Variants in CUX1 observed in about 807,000 individuals in gnomAD.
CUX1 encodes the protein protein CASP.
CUX1 carries 31 observed loss-of-function variants against 158.8 expected under a neutral mutation model. That is an observed-to-expected ratio of 0.20 (90% CI 0.15 to 0.26). The LOEUF is 0.26. CUX1 is among the 10% of genes least tolerant of loss of function. The pLI is 1.00. For synonymous variants in CUX1, 879 were observed against 862.1 expected, an observed-to-expected ratio of 1.02 and a Z score of -0.34; for missense variants, 1,589 against 2,014.6, an observed-to-expected ratio of 0.79 and a Z score of 4.04.
intron 8 of CUX1, among the ~76,000 whole-genome samples, chr7:102,130,272 A>G (rs1833069626): frequency 6.6e-6 from 1 of 152,188 alleles, no homozygotes; most frequent in Non-Finnish European, 1.5e-5. Flanking sequence ...TTCAGATTTA[A>G]TGCTCCAATG....
chr7:101,906,573 C>G (rs1562990263), intron 1 of CUX1, among the ~76,000 whole-genome samples: 1 of 151,906 alleles, frequency 6.6e-6, no homozygotes, highest in African/African-American at 2.4e-5. Flanking sequence ...GCAGGGAACG[C>G]CAAGCTCACG....
chr7:102,100,634 C>A (rs1829670785), intron 5 of CUX1, among the ~76,000 whole-genome samples: 1 of 152,138 alleles, frequency 6.6e-6, no homozygotes, highest in South Asian at 2.1e-4. Flanking sequence ...GTGCACATCA[C>A]TTCTTGTAAT....
chr7:102,227,797 G>A, intron 21 of CUX1, 128 bp downstream of exon 21: 1 of 920,794 alleles, frequency 1.1e-6, no homozygotes, highest in Non-Finnish European at 1.6e-6. Flanking sequence ...TTGAGAACAT[G>A]AAACATCCTA....
intron 2 of CUX1, among the ~76,000 whole-genome samples, chr7:101,963,991 A>G (rs1810830627): frequency 6.6e-6 from 1 of 152,008 alleles, no homozygotes; most frequent in African/African-American, 2.4e-5. Flanking sequence ...ATGTAATTTC[A>G]CTTCAACTTC....
intron 3 of CUX1, among the ~76,000 whole-genome samples, chr7:102,048,437 G>A (rs1453897347): frequency 3.3e-5 from 5 of 152,212 alleles, no homozygotes; most frequent in African/African-American, 1.2e-4. Flanking sequence ...GTTGGAAGGC[G>A]TGGTAGTGTT....
At chr7:101,975,084 C>T (rs1812481656) in intron 2 of CUX1, among the ~76,000 whole-genome samples, 1 of 151,990 alleles carries the variant, frequency 6.6e-6, no homozygotes, top group Non-Finnish European at 1.5e-5. Context: ...CTCATCGTCC[C>T]CACTAAAAAT....
chr7:102,245,714 G>C (rs1225159696), intron 23 of CUX1, among the ~76,000 whole-genome samples: 1 of 152,182 alleles, frequency 6.6e-6, no homozygotes, highest in Non-Finnish European at 1.5e-5. Context: ...GCTCACCCCT[G>C]TAATCCCAGC....
Position 102,253,291 on chromosome 7 carries a change from T to G in CUX1, c.*4249T>G. ...AGCTCTCATACCCCATCTCCCTCCT[T>G]GGCCAGGGCCAGCATCAGGCGTGCA... is the stretch of plus-strand genomic sequence containing the variant. On this transcript the variant is annotated 3_prime_UTR_variant, in exon 24 of 24. Transcript: ENST00000292535. The G allele has an allele frequency of 8.1e-6, 8 of 985,578 alleles. No homozygotes were observed. Among genetic ancestry groups the G allele is most frequent in the Non-Finnish European group, 9.6e-6 (8 of 830,048 alleles). 61.1% of individuals were successfully genotyped at this position (985,578 alleles called of 1,614,324 possible).
intron 14 of CUX1, among the ~76,000 whole-genome samples, chr7:102,268,542 T>A (rs1790973901): frequency 6.6e-6 from 1 of 152,146 alleles, no homozygotes; most frequent in Non-Finnish European, 1.5e-5. Flanking sequence ...TCTGGCCACC[T>A]CACAGCAGCA....
intron 11 of CUX1, among the ~76,000 whole-genome samples, chr7:102,181,351 T>G (rs557953373): frequency 1.3e-3 from 199 of 152,318 alleles, no homozygotes; most frequent in African/African-American, 4.7e-3. Flanking sequence ...TACAGCCATT[T>G]CTGACCCCAG....
chr7:102,113,632 A>G (rs1308291363), intron 7 of CUX1, among the ~76,000 whole-genome samples: 1 of 151,430 alleles, frequency 6.6e-6, no homozygotes, highest in African/African-American at 2.4e-5. Context: ...ATCATAGCTC[A>G]TTGCAGCCTC....
At chr7:102,062,847 G>A (rs1033837658) in intron 3 of CUX1, among the ~76,000 whole-genome samples, 4 of 151,462 alleles carry the variant, frequency 2.6e-5, no homozygotes, top group Non-Finnish European at 4.4e-5. Flanking sequence ...GCTCATGCCT[G>A]TAATCCCAGC....
chr7:101,944,566 G>A (rs1158710607), intron 2 of CUX1, among the ~76,000 whole-genome samples: 1 of 152,176 alleles, frequency 6.6e-6, no homozygotes, highest in African/African-American at 2.4e-5. Context: ...GGGAAGTGGG[G>A]ATCTGCCTAA....
In CUX1 at chr7:101,932,487, A is replaced by T. The variant is rs1051968521; in HGVS notation, c.141+16262A>T. ...AACGTGCATCGCTTACGAGCGCAGC[A>T]TTTTCAAGCCTTTTCTTGAGATCAG... On this transcript the variant is annotated intron_variant, in intron 2 of 23. Coordinates refer to ENST00000292535, the MANE Select transcript of CUX1 (RefSeq NM_181552.4). 13 of 424,198 alleles carry T rather than the reference A, an allele frequency of 3.1e-5. No homozygotes were observed. In the Admixed American group the frequency reaches 3.3e-4, roughly 11 times the overall value. 26.3% of individuals were successfully genotyped at this position (424,198 alleles called of 1,614,324 possible).
At chr7:102,211,828 A>T (rs372492990) in intron 20 of CUX1, among the ~76,000 whole-genome samples, 7 of 150,982 alleles carry the variant, frequency 4.6e-5, no homozygotes, top group African/African-American at 7.3e-5. Flanking sequence ...GGCTGAGCTA[A>T]GATGCAAAGG....
At chr7:101,968,595 G>A (rs769711114) in intron 2 of CUX1, among the ~76,000 whole-genome samples, 2 of 151,930 alleles carry the variant, frequency 1.3e-5, no homozygotes, top group Non-Finnish European at 2.9e-5. Context: ...GCTAATTTTT[G>A]TATTTTTAGT....
At chr7:102,220,006 C>A (rs535539608) in intron 20 of CUX1, among the ~76,000 whole-genome samples, 1 of 152,284 alleles carries the variant, frequency 6.6e-6, no homozygotes, top group East Asian at 1.9e-4. Flanking sequence ...CGGAGCTGGT[C>A]ATGCAAGGGT....
intron 2 of CUX1, among the ~76,000 whole-genome samples, chr7:102,004,434 A>G (rs1817072862): frequency 6.6e-6 from 1 of 152,178 alleles, no homozygotes; most frequent in African/African-American, 2.4e-5. Context: ...CTCCTCCCAC[A>G]TACTTGATTT....
rs782815566 is a variant in CUX1, at chr7:102,202,102, C to T, written c.2805C>T (p.Tyr935=). ...PSVPPLTPEQ[Y]EVYMYQEVDT... is the part of the protein sequence containing the mutation. ...TCCCCCCGCTGACCCCCGAGCAGTA[C>T]GAGGTCTACATGTACCAGGAGGTGG... Residue 935 remains tyrosine, a synonymous_variant, in exon 18 of 24, where the codon TAC becomes TAT. Coordinates refer to ENST00000292535, the MANE Select transcript of CUX1 (RefSeq NM_181552.4). 7 of 1,614,024 alleles carry T rather than the reference C, an allele frequency of 4.3e-6. No homozygotes were observed. The highest frequency in any genetic ancestry group is 2.2e-5 in the South Asian group (2 of 91,078).
Sources: gnomAD v4.1 joint callset for allele counts (sites outside exome capture counted in the v4.1 genomes callset) on GRCh38, gnomAD v4.1.1 for gene constraint, MANE v1.5 for transcripts, NCBI Gene and HGNC (gene_info 2026-07-23, HGNC 2026-07-21) for gene names.